The following ADGRB3 variants were observed in gnomAD, a reference collection of about 807,000 sequenced individuals.
ADGRB3 encodes brain-specific angiogenesis inhibitor 3.
A neutral mutation model predicts 193.4 loss-of-function variants in ADGRB3; 37 were observed. The ratio of observed to expected loss-of-function variants is 0.19; its 90% confidence interval spans 0.15 to 0.25. The LOEUF is 0.25. ADGRB3 is among the 10% of genes least tolerant of loss of function. The pLI is 1.00. For missense variants in ADGRB3, 1,637 were observed against 1,852.9 expected (o/e 0.88, Z 2.14); for synonymous variants, 690 against 644.2 (o/e 1.07, Z -1.08).
At chr6:69,233,198 G>C in intron 17 of ADGRB3, 92 bp from the exon 18 acceptor site, 1 of 1,499,312 alleles carries the variant, frequency 6.7e-7, no homozygotes, top group Non-Finnish European at 9.0e-7. Flanking sequence ...TACAGTAGAC[G>C]ACTCTCTCAA....
intron 17 of ADGRB3, among the ~76,000 whole-genome samples, chr6:69,161,351 G>C (rs1259888782): frequency 6.6e-6 from 1 of 152,048 alleles, no homozygotes; most frequent in African/African-American, 2.4e-5. Flanking sequence ...CACTAGATGA[G>C]AGAACAAAGA....
intron 17 of ADGRB3, among the ~76,000 whole-genome samples, chr6:69,171,559 G>A (rs554679454): frequency 4.6e-5 from 7 of 152,220 alleles, no homozygotes; most frequent in African/African-American, 1.7e-4. Context: ...CTTCCCTTGG[G>A]TATAGTTGTT....
intron 3 of ADGRB3, among the ~76,000 whole-genome samples, chr6:68,694,415 C>T (rs1016591965): frequency 3.3e-5 from 5 of 151,948 alleles, no homozygotes; most frequent in Non-Finnish European, 7.4e-5. Flanking sequence ...CCACCCCCAC[C>T]ACTATACTGA....
chr6:69,210,569 T>G (rs1000395865), intron 17 of ADGRB3, among the ~76,000 whole-genome samples: 1 of 152,214 alleles, frequency 6.6e-6, no homozygotes, highest in African/African-American at 2.4e-5. Context: ...TACATTTTAA[T>G]TTTTTGTAGA....
At chr6:68,690,690 G>A (rs2802682) in intron 3 of ADGRB3, among the ~76,000 whole-genome samples, 14,436 of 152,058 alleles carry the variant, frequency 0.095, 865 homozygotes, top group Middle Eastern at 0.15. Context: ...TTCCTCATCT[G>A]TAAAACCTCA....
chr6:69,194,336 T>C (rs918108197), intron 17 of ADGRB3, among the ~76,000 whole-genome samples: 3 of 152,070 alleles, frequency 2.0e-5, no homozygotes, highest in Admixed American at 6.6e-5. Context: ...TATTGGGTAA[T>C]AGTGATACTG....
intron 26 of ADGRB3, among the ~76,000 whole-genome samples, chr6:69,345,539 C>G (rs1051190644): frequency 6.6e-6 from 1 of 151,996 alleles, no homozygotes; most frequent in African/African-American, 2.4e-5. Context: ...AAAAGGCCTT[C>G]GATAAAATTC....
intron 10 of ADGRB3, among the ~76,000 whole-genome samples, chr6:68,978,889 C>G (rs78645555): frequency 6.6e-6 from 1 of 151,164 alleles, no homozygotes; most frequent in Non-Finnish European, 1.5e-5. Flanking sequence ...ATAGGGAGCT[C>G]TATGTTTTCC....
intron 17 of ADGRB3, among the ~76,000 whole-genome samples, chr6:69,232,084 T>C: frequency 6.6e-6 from 1 of 152,166 alleles, no homozygotes; most frequent in African/African-American, 2.4e-5. Flanking sequence ...AGCCATGTGT[T>C]TTTCTCTTAG....
chr6:69,292,899 T>G (rs3778240), intron 20 of ADGRB3, among the ~76,000 whole-genome samples: 59,779 of 147,194 alleles, frequency 0.41, 13,685 homozygotes, highest in African/African-American at 0.61. Context: ...TCCGCAGAGT[T>G]TGATGTTCCC....
chr6:68,679,013 T>G (rs1239040350), intron 3 of ADGRB3, among the ~76,000 whole-genome samples: 1 of 152,180 alleles, frequency 6.6e-6, no homozygotes, highest in Non-Finnish European at 1.5e-5. Flanking sequence ...AAAAATTTCT[T>G]ATCCTATTTT....
chr6:68,950,825 T>A (rs1242282674), intron 6 of ADGRB3, among the ~76,000 whole-genome samples: 1 of 152,190 alleles, frequency 6.6e-6, no homozygotes, highest in Non-Finnish European at 1.5e-5. Context: ...TCCTCCAATA[T>A]TTCACAGTAC....
chr6:68,860,290 T>C (rs1120259), intron 3 of ADGRB3, among the ~76,000 whole-genome samples: 21,406 of 152,246 alleles, frequency 0.14, 1,941 homozygotes, highest in Middle Eastern at 0.32. Flanking sequence ...GTTACATGGA[T>C]ATATTGTCCA....
intron 17 of ADGRB3, among the ~76,000 whole-genome samples, chr6:69,095,427 G>A (rs1246352200): frequency 6.6e-6 from 1 of 151,960 alleles, no homozygotes; most frequent in Non-Finnish European, 1.5e-5. Context: ...GGCTGGCAGT[G>A]GCTTATATGT....
intron 12 of ADGRB3, among the ~76,000 whole-genome samples, chr6:69,016,214 A>G (rs1233004311): frequency 6.6e-6 from 1 of 151,996 alleles, no homozygotes; most frequent in African/African-American, 2.4e-5. Context: ...CCAACCTTTT[A>G]TAACCTGCTC....
At chr6:69,386,755 G>A (rs1182716834) in intron 31 of ADGRB3, among the ~76,000 whole-genome samples, 1 of 151,960 alleles carries the variant, frequency 6.6e-6, no homozygotes, top group Non-Finnish European at 1.5e-5. Context: ...ACACATATGT[G>A]TTCGTGGCCA....
intron 3 of ADGRB3, among the ~76,000 whole-genome samples, chr6:68,732,211 G>A (rs1035527349): frequency 1.3e-5 from 2 of 151,822 alleles, no homozygotes; most frequent in Non-Finnish European, 2.9e-5. Context: ...ACAAGTGCAA[G>A]TTTATTACAT....
intron 17 of ADGRB3, among the ~76,000 whole-genome samples, chr6:69,091,627 CG>C (rs960160005): frequency 1.7e-4 from 26 of 151,718 alleles, no homozygotes; most frequent in Non-Finnish European, 2.8e-4. Context: ...CAACACATAC[CG>C]GGGTCTTTTG....
chr6:69,040,401 C>T (rs1055837877), intron 13 of ADGRB3, among the ~76,000 whole-genome samples: 4 of 106,026 alleles, frequency 3.8e-5, no homozygotes, highest in Non-Finnish European at 7.8e-5. Context: ...CTTTCCTTCA[C>T]GCAGGTGACT....
Sources: allele counts gnomAD v4.1 joint callset (sites outside exome capture counted in the v4.1 genomes callset), GRCh38; gene constraint gnomAD v4.1.1; transcripts MANE v1.5; gene names NCBI Gene and HGNC (gene_info 2026-07-23, HGNC 2026-07-21).